Variants in PLRG1 observed in about 807,000 individuals in gnomAD.
PLRG1 encodes pleiotropic regulator 1 (PRL1 homolog, Arabidopsis).
A neutral mutation model predicts 74.9 loss-of-function variants in PLRG1; 28 were observed. That is an observed-to-expected ratio of 0.37 (90% CI 0.28 to 0.51). The LOEUF (loss-of-function observed/expected upper bound fraction) is 0.51, where lower values mean the gene tolerates loss of function less well. Among genes scored for constraint, PLRG1 ranks in the 20% least tolerant of loss-of-function variants. PLRG1 has a pLI of 0.91. For synonymous variants in PLRG1, 197 were observed against 212.4 expected, an observed-to-expected ratio of 0.93 and a Z score of 0.63; for missense variants, 445 against 631.9, an observed-to-expected ratio of 0.70 and a Z score of 3.17.
rs574366513 is a variant in PLRG1, at chr4:154,535,948, C to G, written c.*737G>C. 6.6e-6 allele frequency: 1 copy of G among 152,374 alleles called. No homozygotes were observed. Among genetic ancestry groups the G allele is most frequent in the South Asian group, 2.1e-4 (1 of 4,818 alleles). The allele number at this position is 152,374 out of a possible 1,614,324, so 9.4% of individuals were successfully genotyped here. A position where few individuals can be genotyped will look rare whatever the true frequency, so the allele number is the denominator to read the frequency against. On this transcript the variant is annotated 3_prime_UTR_variant, in exon 15 of 15. Transcript: ENST00000499023. ...TGTCCCAGAACACACCGCACACTTT[C>G]TTGTGCCTGGTTTCATCACTTTATG...
Position 154,536,667 on chromosome 4 carries a change from G to A in PLRG1, c.*18C>T, listed in dbSNP as rs1384911729. The A allele has an allele frequency of 5.2e-6, 7 of 1,348,156 alleles. No individual in the cohort carries two copies. The highest frequency in any genetic ancestry group is 7.3e-6 in the Non-Finnish European group (7 of 961,042). 83.5% of individuals were successfully genotyped at this position (1,348,156 alleles called of 1,614,324 possible). On this transcript the variant is annotated 3_prime_UTR_variant, in exon 15 of 15. Transcript: ENST00000499023. ...AATTAAAAAGAAAAAAAAAGAGAGA[G>A]AAAAAATTCCACATTCATTAAAATC...
intron 6 of PLRG1, 129 bp from the exon 7 acceptor site, chr4:154,544,675 T>A: frequency 1.7e-6 from 1 of 603,298 alleles, no homozygotes; most frequent in Non-Finnish European, 2.9e-6. Flanking sequence ...AAATACAATT[T>A]TCTGTATGTT....
Position 154,540,144 on chromosome 4 carries a change from T to G in PLRG1, c.940-91A>C, listed in dbSNP as rs185904512. 2,660 of 741,062 alleles carry G rather than the reference T, an allele frequency of 3.6e-3. 12 individuals are homozygous for G. The highest frequency in any genetic ancestry group is 6.4e-3 in the Admixed American group (310 of 48,358). The allele number at this position is 741,062 out of a possible 1,614,324, so 45.9% of individuals were successfully genotyped here. On this transcript the variant is annotated intron_variant, in intron 10 of 14. Coordinates refer to ENST00000499023, the MANE Select transcript of PLRG1 (RefSeq NM_002669.4). The stretch of plus-strand genomic sequence containing the variant: ...GATCAATTCAAGGCTGAAAATTTAC[T>G]ACATAACTAGTGCCTGAATATAATA...
Position 154,546,999 on chromosome 4 carries a change from C to T in PLRG1, c.313+12G>A, listed in dbSNP as rs1022320302. The T allele has an allele frequency of 9.5e-6, 15 of 1,571,316 alleles. No individual in the cohort carries two copies. The highest frequency in any genetic ancestry group is 1.2e-5 in the Non-Finnish European group (14 of 1,141,226). The stretch of plus-strand genomic sequence containing the variant: ...TTTTTAAGACATTTTCAATATATAA[C>T]AGCTCACTAACCAGGTCCTGGTGGG... On this transcript the variant is annotated intron_variant, in intron 4 of 14. Coordinates refer to ENST00000499023, the MANE Select transcript of PLRG1 (RefSeq NM_002669.4).
chr4:154,547,555 C>T (rs1476543786), intron 3 of PLRG1, 156 bp downstream of exon 3: 1 of 666,256 alleles, frequency 1.5e-6, no homozygotes, highest in African/African-American at 1.8e-5. Context: ...ACAGTATTCC[C>T]ATGAGGATCA....
intron 12 of PLRG1, among the ~76,000 whole-genome samples, 155 bp from the exon 13 acceptor site, chr4:154,538,263 C>T (rs112690091): frequency 3.3e-5 from 5 of 152,216 alleles, no homozygotes; most frequent in African/African-American, 1.2e-4. Flanking sequence ...AATATTAAGA[C>T]ATTTGTTCAA....
chr4:154,538,885 A>G (rs1729504299), intron 12 of PLRG1: 2 of 476,818 alleles, frequency 4.2e-6, no homozygotes, highest in Non-Finnish European at 7.5e-6. Flanking sequence ...ATTTGACATT[A>G]TTTATTTGTT....
chr4:154,549,070 A>C, intron 1 of PLRG1, 135 bp from the exon 2 acceptor site: 1 of 648,292 alleles, frequency 1.5e-6, no homozygotes, highest in Non-Finnish European at 2.8e-6. Context: ...ACTTGTTGCA[A>C]GCTACAGGAG....
chr4:154,548,664 CAA>C (rs945598739), intron 2 of PLRG1, among the ~76,000 whole-genome samples, 163 bp downstream of exon 2: 1 of 145,558 alleles, frequency 6.9e-6, no homozygotes, highest in African/African-American at 2.5e-5. Context: ...TGTAAAAGGC[CAA>C]AAAAAAAAGT....
intron 1 of PLRG1, 129 bp downstream of exon 1, chr4:154,550,171 C>G: frequency 1.1e-6 from 1 of 897,594 alleles, no homozygotes; most frequent in South Asian, 1.4e-5. Flanking sequence ...ACCACTCGGC[C>G]TTGGCCAAAT....
chr4:154,548,751 A>G, intron 2 of PLRG1, 78 bp downstream of exon 2: 1 of 735,162 alleles, frequency 1.4e-6, no homozygotes, highest in Admixed American at 2.3e-5. Context: ...TCTTTAAAGG[A>G]CTCCCTCTCC....
In PLRG1 at chr4:154,540,011, C is replaced by T; in HGVS notation, c.982G>A (p.Gly328Arg). 6.2e-7 allele frequency: 1 copy of T among 1,602,720 alleles called. No homozygotes were observed. ...RTKASVHTLS[G>R]HTNAVATVRC... The stretch of plus-strand genomic sequence containing the variant: ...ACTGTAGCAACTGCATTTGTATGTC[C>T]AGATAATGTGTGTACACTGGCTTTA... Residue 328 changes from glycine to arginine, a missense_variant, in exon 11 of 15, where the codon GGA (glycine) becomes AGA (arginine). Around this residue, in one of 3 missense-constraint regions of PLRG1, gnomAD observed 221 missense variants for 377.7 expected, o/e 0.59. Transcript: ENST00000499023.
Position 154,547,860 on chromosome 4 carries a change from A to G in PLRG1, c.117-7T>C. The G allele has an allele frequency of 6.3e-7, 1 of 1,597,722 alleles. No homozygotes were observed. Among genetic ancestry groups the G allele is most frequent in the Non-Finnish European group, 8.6e-7 (1 of 1,169,036 alleles). The stretch of plus-strand genomic sequence containing the variant: ...TGCCATTTTTCGTTTGTGACTATTT[A>G]GAAATTATAAACATAAGAACGTATC... On this transcript the variant is annotated splice_region_variant and splice_polypyrimidine_tract_variant and intron_variant, in intron 2 of 14. Coordinates refer to ENST00000499023, the MANE Select transcript of PLRG1 (RefSeq NM_002669.4).
Position 154,550,392 on chromosome 4 carries a change from T to G in PLRG1, c.-84A>C. 1 of 1,367,842 alleles carries G rather than the reference T, an allele frequency of 7.3e-7. No homozygotes were observed. The highest frequency in any genetic ancestry group is 1.0e-6 in the Non-Finnish European group (1 of 957,566). 84.7% of individuals were successfully genotyped at this position (1,367,842 alleles called of 1,614,324 possible). A position where few individuals can be genotyped will look rare whatever the true frequency, so the allele number is the denominator to read the frequency against. On this transcript the variant is annotated 5_prime_UTR_variant, in exon 1 of 15. Coordinates refer to ENST00000499023, the MANE Select transcript of PLRG1 (RefSeq NM_002669.4). ...CCGCCGCCACAGCTGTGCAGCACCT[T>G]CCGGAATTGGGCGCCCAGGCGGCGG...
In PLRG1 at chr4:154,535,355, G is replaced by A. The variant is rs1191059374; in HGVS notation, c.*1330C>T. The A allele has an allele frequency of 6.6e-6, 1 of 151,806 alleles. No individual in the cohort carries two copies. Among genetic ancestry groups the A allele is most frequent in the Non-Finnish European group, 1.5e-5 (1 of 67,962 alleles). The allele number at this position is 151,806 out of a possible 1,614,324, so 9.4% of individuals were successfully genotyped here. On this transcript the variant is annotated 3_prime_UTR_variant, in exon 15 of 15. Transcript: ENST00000499023. ...GTTTTAAGTATTAAAGAACAAAGGT[G>A]CAATGACTTTGCTTGTGTACACTTG...
intron 7 of PLRG1, 87 bp downstream of exon 7, chr4:154,544,358 C>T: frequency 1.3e-6 from 1 of 799,928 alleles, no homozygotes; most frequent in Non-Finnish European, 2.2e-6. Flanking sequence ...CATATTCACT[C>T]TTTTTCCTCC....
intron 5 of PLRG1, 87 bp from the exon 6 acceptor site, chr4:154,546,010 T>C: frequency 9.0e-7 from 1 of 1,108,890 alleles, no homozygotes; most frequent in Non-Finnish European, 1.3e-6. Context: ...TAAATTGTTA[T>C]AAAGTCCTGA....
At chr4:154,541,763 G>A (rs1729559076) in intron 8 of PLRG1, among the ~76,000 whole-genome samples, 1 of 152,070 alleles carries the variant, frequency 6.6e-6, no homozygotes, top group Non-Finnish European at 1.5e-5. Context: ...ACACACACAG[G>A]AAAAGAGCTT....
chr4:154,538,207 C>A (rs1386005054), intron 12 of PLRG1, 99 bp from the exon 13 acceptor site: 2 of 518,770 alleles, frequency 3.9e-6, no homozygotes, highest in Non-Finnish European at 6.7e-6. Context: ...GCAGTGTGTA[C>A]TCAATGATTT....
Sources: gnomAD v4.1 joint callset for allele counts (sites outside exome capture counted in the v4.1 genomes callset) on GRCh38, gnomAD v4.1.1 for gene constraint, gnomAD v4.1.1 regional missense constraint, MANE v1.5 for transcripts, NCBI Gene and HGNC (gene_info 2026-07-23, HGNC 2026-07-21) for gene names.